FNDC3B: variants seen among roughly 807,000 people sequenced by gnomAD.
FNDC3B encodes fibronectin type III domain containing 3B.
FNDC3B carries 12 observed loss-of-function variants against 151.5 expected under a neutral mutation model. The ratio of observed to expected loss-of-function variants is 0.08; its 90% CI spans 0.05 to 0.13. The LOEUF (loss-of-function observed/expected upper bound fraction) is 0.13, where lower values mean the gene tolerates loss of function less well. FNDC3B is among the 10% of genes least tolerant of loss of function. The pLI, the probability that FNDC3B is intolerant of heterozygous loss-of-function variation, is 1.00. For missense variants in FNDC3B, 1,214 were observed against 1,505.3 expected (o/e 0.81, Z 3.20); for synonymous variants, 528 against 549.0 (o/e 0.96, Z 0.54).
rs1483076604 is a variant in FNDC3B at position 172,307,547 on chromosome 3, C to A, written c.1200+46C>A. The A allele has an allele frequency of 1.9e-6, 3 of 1,605,366 alleles. No homozygotes were observed. In the South Asian group the frequency reaches 3.3e-5, roughly 18 times the overall value. ...AGAATCGTCTCAATTTAAAAATTAG[C>A]CAGGTGTGGTGGCAACGTGTTCCTA... On this transcript the variant is annotated intron_variant, in intron 10 of 25. Transcript: ENST00000415807.
intron 19 of FNDC3B, among the ~76,000 whole-genome samples, chr3:172,345,271 A>G (rs1733546131): frequency 6.6e-6 from 1 of 152,230 alleles, no homozygotes; most frequent in Non-Finnish European, 1.5e-5. Context: ...ACCTGAACTT[A>G]TAATCATGTA....
At chr3:172,042,236 C>T (rs1051875843) in intron 1 of FNDC3B, among the ~76,000 whole-genome samples, 10 of 152,176 alleles carry the variant, frequency 6.6e-5, no homozygotes, top group Non-Finnish European at 7.3e-5. Flanking sequence ...AAATAGCTCA[C>T]ATCAGACGAT....
intron 3 of FNDC3B, among the ~76,000 whole-genome samples, chr3:172,197,042 G>A (rs1724871299): frequency 6.6e-6 from 1 of 151,968 alleles, no homozygotes; most frequent in Admixed American, 6.5e-5. Context: ...TTAGCCAGGT[G>A]TGGTGGCATG....
chr3:172,058,561 G>A (rs1230361950), intron 1 of FNDC3B, among the ~76,000 whole-genome samples: 1 of 151,168 alleles, frequency 6.6e-6, no homozygotes, highest in East Asian at 1.9e-4. Flanking sequence ...TTATTGGGAT[G>A]TTCTATTACA....
intron 25 of FNDC3B, among the ~76,000 whole-genome samples, chr3:172,383,001 T>C (rs375220574): frequency 6.6e-6 from 1 of 152,352 alleles, no homozygotes; most frequent in East Asian, 1.9e-4. Context: ...TCTGATTCTG[T>C]GAAGAAAGTC....
chr3:172,168,013 T>A (rs542647078), intron 3 of FNDC3B, among the ~76,000 whole-genome samples: 4 of 152,338 alleles, frequency 2.6e-5, no homozygotes, highest in African/African-American at 9.6e-5. Context: ...CATATTCCAG[T>A]GGTGTTTACC....
At chr3:172,219,701 C>T (rs558137950) in intron 3 of FNDC3B, among the ~76,000 whole-genome samples, 3 of 152,258 alleles carry the variant, frequency 2.0e-5, no homozygotes, top group African/African-American at 4.8e-5. Flanking sequence ...CTGAATATTT[C>T]GTGTAAGTGG....
chr3:172,231,417 C>T (rs943019440), intron 4 of FNDC3B, among the ~76,000 whole-genome samples: 3 of 151,992 alleles, frequency 2.0e-5, no homozygotes, highest in Non-Finnish European at 4.4e-5. Context: ...ACACTGTGAC[C>T]GGATGAATTT....
intron 7 of FNDC3B, among the ~76,000 whole-genome samples, chr3:172,290,885 T>A (rs1024599940): frequency 6.6e-6 from 1 of 152,222 alleles, no homozygotes; most frequent in Non-Finnish European, 1.5e-5. Context: ...CCAGTATTTG[T>A]GTGGTAATAT....
At chr3:172,375,885 C>T (rs1488529365) in intron 23 of FNDC3B, among the ~76,000 whole-genome samples, 1 of 152,160 alleles carries the variant, frequency 6.6e-6, no homozygotes, top group Non-Finnish European at 1.5e-5. Context: ...AGGTGGCCTC[C>T]TGGAGCTGCC....
chr3:172,234,170 G>T (rs1230699639), intron 4 of FNDC3B, among the ~76,000 whole-genome samples: 1 of 152,166 alleles, frequency 6.6e-6, no homozygotes. Context: ...TGGGATTAGT[G>T]GGAGGAAACG....
In FNDC3B at chr3:172,375,899, C is replaced by T. The variant is rs190995107; in HGVS notation, c.3009-2371C>T. Among the ~76,000 whole-genome samples, 29 of 152,282 alleles carry T rather than the reference C, an allele frequency of 1.9e-4. No homozygotes were observed. In the East Asian group the frequency reaches 5.6e-3, roughly 29 times the overall value. On this transcript the variant is annotated intron_variant, in intron 23 of 25. Transcript: ENST00000415807. ...AAGGTGGCCTCCTGGAGCTGCCTAA[C>T]TCCGCCTTCACTGAAAATAAGGTGA... is the stretch of plus-strand genomic sequence containing the variant.
chr3:172,343,528 C>T (rs989480971), intron 18 of FNDC3B, among the ~76,000 whole-genome samples: 2 of 152,318 alleles, frequency 1.3e-5, no homozygotes, highest in South Asian at 2.1e-4. Flanking sequence ...TCTTTGTTTG[C>T]AACCACCTCT....
intron 3 of FNDC3B, among the ~76,000 whole-genome samples, chr3:172,161,775 T>A (rs950886289): frequency 2.0e-5 from 3 of 152,176 alleles, no homozygotes; most frequent in Admixed American, 1.3e-4. Context: ...ATATTGTGTA[T>A]CCATCACTAC....
At chr3:172,077,097 A>C (rs1052617312) in intron 1 of FNDC3B, among the ~76,000 whole-genome samples, 14 of 152,210 alleles carry the variant, frequency 9.2e-5, no homozygotes, top group Non-Finnish European at 1.8e-4. Flanking sequence ...AATAGAATTC[A>C]TCAAGAAAGA....
chr3:172,397,502 A>G lies in FNDC3B; in HGVS notation c.*27A>G, dbSNP rs1335953520. 7.1e-7 allele frequency: 1 copy of G among 1,412,760 alleles called. No homozygotes were observed. 87.5% of individuals were successfully genotyped at this position (1,412,760 alleles called of 1,614,324 possible). A position where few individuals can be genotyped will look rare whatever the true frequency, so the allele number is the denominator to read the frequency against. Reference sequence around the variant, plus strand: ...CCCAACAAAACTAGAGGTATGAATTAATGCTACACATTTTAATACACACAT... The same window carrying G: ...CCCAACAAAACTAGAGGTATGAATTGATGCTACACATTTTAATACACACAT... On this transcript the variant is annotated 3_prime_UTR_variant, in exon 26 of 26. Transcript: ENST00000415807.
At chr3:172,137,488 C>T (rs749738849) in intron 3 of FNDC3B, among the ~76,000 whole-genome samples, 2 of 152,038 alleles carry the variant, frequency 1.3e-5, no homozygotes, top group Admixed American at 6.6e-5. Flanking sequence ...AGACCCATCT[C>T]TACCAAAGAA....
chr3:172,392,198 G>A (rs148483921), intron 25 of FNDC3B, among the ~76,000 whole-genome samples: 294 of 152,316 alleles, frequency 1.9e-3, no homozygotes, highest in Non-Finnish European at 3.1e-3. Context: ...TCTCAGGACC[G>A]TAAGGGGTTT....
At chr3:172,328,337 G>A (rs544900378) in intron 11 of FNDC3B, among the ~76,000 whole-genome samples, 4 of 152,332 alleles carry the variant, frequency 2.6e-5, no homozygotes, top group East Asian at 3.9e-4. Flanking sequence ...CAAAGCAGAC[G>A]TGGACAAAAT....
Sources: gnomAD v4.1 joint callset for allele counts (sites outside exome capture counted in the v4.1 genomes callset) on GRCh38, gnomAD v4.1.1 for gene constraint, MANE v1.5 for transcripts, NCBI Gene and HGNC (gene_info 2026-07-23, HGNC 2026-07-21) for gene names.